The following WWP2 variants were observed in gnomAD, a reference collection of about 807,000 sequenced individuals.
The protein encoded by WWP2 is NEDD4-like E3 ubiquitin-protein ligase WWP2.
Under a neutral mutation model 121.0 loss-of-function variants are expected in WWP2, and 57 were observed. That is an observed-to-expected ratio of 0.47 (90% CI 0.38 to 0.59). The LOEUF is 0.59. WWP2 is among the 20% of genes least tolerant of loss of function. WWP2 has a pLI of 0.00. For missense variants in WWP2, 962 were observed against 1,158.9 expected (o/e 0.83, Z 2.47); for synonymous variants, 449 against 441.3 (o/e 1.02, Z -0.22).
intron 1 of WWP2, among the ~76,000 whole-genome samples, chr16:69,776,796 C>A (rs1461763454): frequency 6.6e-6 from 1 of 150,832 alleles, no homozygotes; most frequent in Admixed American, 6.6e-5. Flanking sequence ...CCATTGCACT[C>A]CAGCCTGGGC....
intron 3 of WWP2, 100 bp downstream of exon 3, chr16:69,798,929 G>A (rs573129281): frequency 3.0e-5 from 46 of 1,511,868 alleles, no homozygotes; most frequent in South Asian, 1.3e-4. Flanking sequence ...TGGCACCTCC[G>A]ACTTTTTCTA....
At chr16:69,789,764 G>A (rs2055869953) in intron 2 of WWP2, among the ~76,000 whole-genome samples, 1 of 152,132 alleles carries the variant, frequency 6.6e-6, no homozygotes, top group Non-Finnish European at 1.5e-5. Context: ...CTGTTTCATT[G>A]GTGCAAGCTT....
chr16:69,850,286 C>A (rs1160577761), intron 6 of WWP2, among the ~76,000 whole-genome samples: 1 of 151,070 alleles, frequency 6.6e-6, no homozygotes, highest in Non-Finnish European at 1.5e-5. Flanking sequence ...ACTCGGGAGG[C>A]TGAGGCAGGA....
At chr16:69,776,815 C>T (rs1050087107) in intron 1 of WWP2, among the ~76,000 whole-genome samples, 5 of 149,408 alleles carry the variant, frequency 3.3e-5, no homozygotes, top group Non-Finnish European at 5.9e-5. Flanking sequence ...GCAACAAGAG[C>T]GAAATTCCAT....
At chr16:69,866,279 TTTATTTATTTATTTA>T in intron 6 of WWP2, among the ~76,000 whole-genome samples, 1 of 15,626 alleles carries the variant, frequency 6.4e-5, no homozygotes, top group African/African-American at 1.2e-3. Context: ...ATTTTATTTA[TTTATTTATTTATTTA>T]TTTATTTATT....
At chr16:69,895,193 T>C (rs949064773) in intron 8 of WWP2, 1 of 152,216 alleles carries the variant, frequency 6.6e-6, no homozygotes, top group Non-Finnish European at 1.5e-5. Context: ...CTCTAAGAGA[T>C]GTTGGAATTT....
At chr16:69,901,919 C>G (rs1011993624) in intron 8 of WWP2, among the ~76,000 whole-genome samples, 3 of 152,104 alleles carry the variant, frequency 2.0e-5, no homozygotes, top group African/African-American at 7.2e-5. Flanking sequence ...CCACTGCACT[C>G]CAGCCTGGGT....
At chr16:69,839,208 G>T (rs1181380446) in intron 4 of WWP2, among the ~76,000 whole-genome samples, 3 of 152,154 alleles carry the variant, frequency 2.0e-5, no homozygotes, top group African/African-American at 7.2e-5. Context: ...AAGGTGTGGA[G>T]TGGACGGACC....
intron 1 of WWP2, among the ~76,000 whole-genome samples, chr16:69,763,290 A>G (rs2038657825): frequency 6.6e-6 from 1 of 152,188 alleles, no homozygotes; most frequent in Non-Finnish European, 1.5e-5. Context: ...GACGAACTGT[A>G]ACTAGGTAGG....
At chr16:69,929,614 C>A in intron 12 of WWP2, 85 bp downstream of exon 12, 1 of 1,206,170 alleles carries the variant, frequency 8.3e-7, no homozygotes, top group Non-Finnish European at 1.2e-6. Flanking sequence ...TGGACTGCAT[C>A]GTCCCAGAGG....
intron 6 of WWP2, among the ~76,000 whole-genome samples, chr16:69,849,482 T>TATTCATTC (rs10632935): frequency 0.32 from 47,909 of 149,492 alleles, 8,005 homozygotes; most frequent in East Asian, 0.49. Flanking sequence ...TTTATTTATT[T>TATTCATTC]ATTCATTCAT....
chr16:69,932,896 C>T (rs1221999844), intron 16 of WWP2, among the ~76,000 whole-genome samples: 1 of 152,210 alleles, frequency 6.6e-6, no homozygotes, highest in African/African-American at 2.4e-5. Flanking sequence ...GCGACCTCTC[C>T]GCTCGAGACC....
rs1265239980 is a variant in WWP2 at position 69,859,555 on chromosome 16, CAAAAAAAAAGAAAAA to C, written c.576-12248_576-12234del. Among the ~76,000 whole-genome samples, 3 of 146,130 alleles carry C rather than the reference CAAAAAAAAAGAAAAA, an allele frequency of 2.1e-5. No homozygotes were observed. The East Asian group carries it at 5.9e-4, about 29-fold the overall frequency. On this transcript the variant is annotated intron_variant, in intron 6 of 23. Transcript: ENST00000359154. The stretch of plus-strand genomic sequence containing the variant: ...TGGGCGACAGAGGGAGACCCTGTCT[CAAAAAAAAAGAAAAA>C]GAAAAAAAAAGTCATTCAGGTCCTT...
intron 2 of WWP2, among the ~76,000 whole-genome samples, chr16:69,789,937 TGC>T (rs2055874185): frequency 6.6e-6 from 1 of 151,646 alleles, no homozygotes; most frequent in Non-Finnish European, 1.5e-5. Flanking sequence ...CTGAAAGCCT[TGC>T]CAATAACAGA....
rs948544518 is a variant in WWP2, at chr16:69,905,054, G to A, written c.915-3707G>A. 2.6e-5 allele frequency among the ~76,000 whole-genome samples: 4 copies of A among 152,108 alleles called. No individual in the cohort carries two copies. In the East Asian group the frequency reaches 7.7e-4, roughly 29 times the overall value. ...ACAGGCAGGCAGCTGATCAGACCACGCCCAAATAAGGCAGACGCCCAGCTG... is the reference window on the plus strand; with the variant it reads ...ACAGGCAGGCAGCTGATCAGACCACACCCAAATAAGGCAGACGCCCAGCTG... On this transcript the variant is annotated intron_variant, in intron 8 of 23. Transcript: ENST00000359154.
chr16:69,799,242 T>C lies in WWP2; in HGVS notation c.287T>C (p.Leu96Pro), dbSNP rs1378065797. Reference sequence around the variant, plus strand: ...TGCCATACCTTGAGAAATGAACTGCTAGGCACCGCATCTGTCAACCTCTCC... The same window carrying C: ...TGCCATACCTTGAGAAATGAACTGCCAGGCACCGCATCTGTCAACCTCTCC... ...WSCHTLRNEL[L>P]GTASVNLSNV... The change falls in exon 4 of 24, where the codon CTA (leucine) becomes CCA (proline). Residue 96 changes from leucine (L) to proline (P), a missense_variant. Coordinates refer to ENST00000359154, the MANE Select transcript of WWP2 (RefSeq NM_001270454.2). The surrounding 1 kb of genome is among the most constrained non-coding windows in gnomAD (Gnocchi z 4.5). 1 of 1,614,170 alleles carries C rather than the reference T, an allele frequency of 6.2e-7. No homozygotes were observed. Among genetic ancestry groups the C allele is most frequent in the Non-Finnish European group, 8.5e-7 (1 of 1,180,028 alleles).
intron 6 of WWP2, among the ~76,000 whole-genome samples, chr16:69,854,920 A>G (rs1385614947): frequency 1.3e-5 from 2 of 152,108 alleles, no homozygotes; most frequent in East Asian, 1.9e-4. Context: ...CAGTGGTGCA[A>G]TCAAGGCCCA....
chr16:69,829,487 C>T (rs958301039), intron 4 of WWP2, among the ~76,000 whole-genome samples: 5 of 152,314 alleles, frequency 3.3e-5, no homozygotes, highest in South Asian at 4.1e-4. Context: ...TTCATCTCTG[C>T]CCACTTTCCT....
chr16:69,802,602 TTG>T (rs1181152340), intron 4 of WWP2, among the ~76,000 whole-genome samples: 4 of 63,302 alleles, frequency 6.3e-5, no homozygotes, highest in South Asian at 7.8e-4. Context: ...TTCTTTCCTT[TTG>T]TTTTTTTTTT....
Sources: gnomAD v4.1 joint callset for allele counts (sites outside exome capture counted in the v4.1 genomes callset) on GRCh38, gnomAD v4.1.1 for gene constraint, Gnocchi (gnomAD v3.1) non-coding constraint, MANE v1.5 for transcripts, NCBI Gene and HGNC (gene_info 2026-07-23, HGNC 2026-07-21) for gene names.